SLC22A24: variants seen among roughly 807,000 people sequenced by gnomAD.
SLC22A24 encodes the protein solute carrier family 22 member 24, also known as steroid transmembrane transporter SLC22A24.
Under a neutral mutation model 49.8 loss-of-function variants are expected in SLC22A24, and 53 were observed. That is an observed-to-expected ratio of 1.06 (90% CI 0.85 to 1.34). The LOEUF (loss-of-function observed/expected upper bound fraction) is 1.34. Ranked by LOEUF, SLC22A24 falls within the 40% of genes most tolerant of loss-of-function variation. The probability of loss-of-function intolerance (pLI) is 0.00; values close to 1 mark genes in which losing one functional copy is unlikely to be tolerated. For missense variants in SLC22A24, 786 were observed against 675.9 expected, an observed-to-expected ratio of 1.16 and a Z score of -1.81; for synonymous variants, 302 against 256.4, an observed-to-expected ratio of 1.18 and a Z score of -1.70.
At chr11:63,137,195 G>T (rs1358091162) in intron 1 of SLC22A24, among the ~76,000 whole-genome samples, 1 of 152,142 alleles carries the variant, frequency 6.6e-6, no homozygotes, top group Non-Finnish European at 1.5e-5. Flanking sequence ...GTCCTGGTTT[G>T]GGAGGCTTCT....
At chr11:63,108,175 G>A (rs1343024341) in intron 4 of SLC22A24, among the ~76,000 whole-genome samples, 1 of 152,094 alleles carries the variant, frequency 6.6e-6, no homozygotes, top group Admixed American at 6.5e-5. Context: ...GGCCTTTTCT[G>A]CATCTATTGA....
chr11:63,081,042 A>G lies in SLC22A24; in HGVS notation c.1476T>C (p.Tyr492=). The G allele has an allele frequency of 1.9e-6, 3 of 1,551,728 alleles. No individual in the cohort carries two copies. In the South Asian group the frequency reaches 3.6e-5, roughly 18 times the overall value. The change falls in exon 9 of 10, where the codon TAT becomes TAC. Residue 492 remains tyrosine, a synonymous_variant. Coordinates refer to ENST00000612278, the MANE Select transcript of SLC22A24 (RefSeq NM_001136506.2). The part of the protein sequence containing the change: ...LAPLLMTLMA[Y]SPHLPWISYG... ...AGGAAATCCAGGGTAGGTGGGGAGAATACGCCATTAAGGTCATCAACAGAG... is the reference window on the plus strand; with the variant it reads ...AGGAAATCCAGGGTAGGTGGGGAGAGTACGCCATTAAGGTCATCAACAGAG...
chr11:63,092,427 G>T (rs1035233737), intron 6 of SLC22A24, among the ~76,000 whole-genome samples: 14 of 146,572 alleles, frequency 9.6e-5, no homozygotes, highest in Non-Finnish European at 1.4e-4. Flanking sequence ...GATCAAAAAG[G>T]ACACTGTATA....
intron 2 of SLC22A24, among the ~76,000 whole-genome samples, chr11:63,124,147 A>G (rs1292893831): frequency 5.3e-5 from 8 of 152,228 alleles, no homozygotes; most frequent in African/African-American, 1.7e-4. Context: ...AACCAGCTTG[A>G]TGTCTTGAAG....
intron 9 of SLC22A24, among the ~76,000 whole-genome samples, chr11:63,080,493 G>A (rs1244830062): frequency 1.3e-5 from 2 of 152,134 alleles, no homozygotes; most frequent in African/African-American, 2.4e-5. Context: ...GCAATAATTA[G>A]GTATGAGGCA....
chr11:63,131,064 A>G (rs555988306), intron 2 of SLC22A24, among the ~76,000 whole-genome samples: 1 of 151,906 alleles, frequency 6.6e-6, no homozygotes, highest in Non-Finnish European at 1.5e-5. Flanking sequence ...TTGTTGGTTT[A>G]AAGTCTGTTT....
At position 63,083,491 on chromosome 11, in the gene SLC22A24, A is replaced by G. The variant is rs746074895; in HGVS notation, c.1071-34T>C. On this transcript the variant is annotated intron_variant, in intron 6 of 9. Coordinates refer to ENST00000612278, the MANE Select transcript of SLC22A24 (RefSeq NM_001136506.2). The stretch of plus-strand genomic sequence containing the variant: ...AATAAAAAGGACAAAGACATATTCA[A>G]TAAGATTTAAAGCCTAGGAAACATT... 134 of 1,489,652 alleles carry G rather than the reference A, an allele frequency of 9.0e-5. 1 individual carries two copies. Among genetic ancestry groups the G allele is most frequent in the Middle Eastern group, 1.7e-4 (1 of 5,842 alleles). 92.3% of individuals were successfully genotyped at this position (1,489,652 alleles called of 1,614,324 possible).
intron 2 of SLC22A24, among the ~76,000 whole-genome samples, chr11:63,121,140 T>G (rs938701987): frequency 2.0e-5 from 3 of 152,252 alleles, no homozygotes; most frequent in Non-Finnish European, 4.4e-5. Context: ...AACTATGAAC[T>G]TTAGTAAATA....
In SLC22A24 at chr11:63,134,768, A is replaced by T; in HGVS notation, c.403T>A (p.Trp135Arg). 1.3e-6 allele frequency: 2 copies of T among 1,568,388 alleles called. No homozygotes were observed. The highest frequency in any genetic ancestry group is 1.7e-6 in the Non-Finnish European group (2 of 1,153,540). Residue 135 changes from tryptophan (W) to arginine (R), a missense_variant and splice_region_variant, in exon 2 of 10, where the codon TGG (tryptophan) becomes AGG (arginine). By Grantham distance (101) the Trp-to-Arg change is moderately radical. Coordinates refer to ENST00000612278, the MANE Select transcript of SLC22A24 (RefSeq NM_001136506.2). ...SSFLSTIVTE[W>R]DLVCESQSLK... ...GACTGAGATTCACATACCAGGTCCC[A>T]CTGGAAGAGAAAGAAAGCAGTACAG...
At chr11:63,110,999 T>C (rs1196704811) in intron 4 of SLC22A24, among the ~76,000 whole-genome samples, 1 of 152,172 alleles carries the variant, frequency 6.6e-6, no homozygotes, top group Non-Finnish European at 1.5e-5. Flanking sequence ...CATAGATAGC[T>C]CTTATTATTT....
At position 63,116,139 on chromosome 11, in the gene SLC22A24, G is replaced by A. The variant is rs539148248; in HGVS notation, c.830+2773C>T. 378 of 429,836 alleles carry A rather than the reference G, an allele frequency of 8.8e-4. 6 individuals are homozygous for A. In the South Asian group the frequency reaches 0.02, roughly 22 times the overall value. 26.6% of individuals were successfully genotyped at this position (429,836 alleles called of 1,614,324 possible). A position where few individuals can be genotyped will look rare whatever the true frequency, so the allele number is the denominator to read the frequency against. On this transcript the variant is annotated intron_variant, in intron 4 of 9. Transcript: ENST00000612278. ...GAGGGCCTTGATAGCCTTGGCATGT[G>A]CACTCATGGCCTTGGCATTGTTGAC...
intron 4 of SLC22A24, among the ~76,000 whole-genome samples, chr11:63,110,756 G>C (rs369643259): frequency 1.5e-5 from 2 of 135,546 alleles, no homozygotes; most frequent in South Asian, 5.3e-4. Context: ...GGGCTGAGAC[G>C]ATGGGGTTTT....
At chr11:63,122,667 AC>A (rs1334508677) in intron 2 of SLC22A24, among the ~76,000 whole-genome samples, 2 of 152,000 alleles carry the variant, frequency 1.3e-5, no homozygotes, top group African/African-American at 4.8e-5. Context: ...GGCACCCATC[AC>A]CATGCCCAGC....
intron 6 of SLC22A24, 28 bp from the exon 7 acceptor site, chr11:63,083,485 T>C: frequency 6.6e-7 from 1 of 1,505,634 alleles, no homozygotes; most frequent in Non-Finnish European, 9.0e-7. Context: ...GACAAAGACA[T>C]ATTCAATAAG....
At chr11:63,125,471 T>G (rs2087283528) in intron 2 of SLC22A24, among the ~76,000 whole-genome samples, 2 of 152,194 alleles carry the variant, frequency 1.3e-5, no homozygotes, top group African/African-American at 4.8e-5. Flanking sequence ...TCCATGTCTC[T>G]GCAAAGGACA....
At chr11:63,132,031 A>G (rs2087339898) in intron 2 of SLC22A24, among the ~76,000 whole-genome samples, 1 of 151,718 alleles carries the variant, frequency 6.6e-6, no homozygotes, top group Admixed American at 6.6e-5. Context: ...CATTCATTTC[A>G]TCTTCAATCA....
Position 63,134,573 on chromosome 11 carries a change from G to C in SLC22A24, c.506+92C>G, listed in dbSNP as rs147051754. ...AGATCAGCACATAGCACAATGCAAA[G>C]TATACAGTAAGAGCTCAGTAAATAT... On this transcript the variant is annotated intron_variant, in intron 2 of 9. Transcript: ENST00000612278. The C allele has an allele frequency of 8.3e-4, 627 of 756,870 alleles. 2 individuals are homozygous for C. In the African/African-American group the frequency reaches 9.9e-3, roughly 12 times the overall value. The allele number at this position is 756,870 out of a possible 1,614,324, so 46.9% of individuals were successfully genotyped here.
intron 4 of SLC22A24, among the ~76,000 whole-genome samples, chr11:63,111,300 C>G (rs2087162175): frequency 6.6e-6 from 1 of 151,996 alleles, no homozygotes; most frequent in Non-Finnish European, 1.5e-5. Flanking sequence ...GGGTATTGGT[C>G]TAAAATTCTC....
At chr11:63,089,810 G>C (rs554858785) in intron 6 of SLC22A24, among the ~76,000 whole-genome samples, 1 of 152,032 alleles carries the variant, frequency 6.6e-6, no homozygotes, top group Non-Finnish European at 1.5e-5. Context: ...GGCCGGCCGC[G>C]GTGGCTCACG....
Sources: allele counts gnomAD v4.1 joint callset (sites outside exome capture counted in the v4.1 genomes callset), GRCh38; gene constraint gnomAD v4.1.1; transcripts MANE v1.5; gene names NCBI Gene and HGNC (gene_info 2026-07-23, HGNC 2026-07-21).